The following CLEC7A variants were observed in gnomAD, a reference collection of about 807,000 sequenced individuals.
CLEC7A encodes C-type lectin domain containing 7A.
Under a neutral mutation model 26.9 loss-of-function variants are expected in CLEC7A, and 25 were observed. The observed-to-expected ratio is 0.93, with a 90% CI of 0.68 to 1.30. CLEC7A has a LOEUF of 1.30. Among genes scored for constraint, CLEC7A ranks in the 50% most tolerant of loss-of-function variants. The pLI is 0.00. For synonymous variants in CLEC7A, 100 were observed against 99.5 expected, an observed-to-expected ratio of 1.01 and a Z score of -0.03; for missense variants, 275 against 286.7, an observed-to-expected ratio of 0.96 and a Z score of 0.29.
chr12:10,128,730 T>A (rs1194143321), intron 1 of CLEC7A, among the ~76,000 whole-genome samples: 1 of 152,192 alleles, frequency 6.6e-6, no homozygotes, highest in Non-Finnish European at 1.5e-5. Context: ...AGGATACCGT[T>A]TGCCTACACA....
intron 5 of CLEC7A, among the ~76,000 whole-genome samples, chr12:10,121,922 G>A (rs1207235070): frequency 6.6e-6 from 1 of 152,088 alleles, no homozygotes; most frequent in African/African-American, 2.4e-5. Context: ...GCAGGAGAAT[G>A]GCGTGAACCC....
chr12:10,130,087 C>A lies in CLEC7A; in HGVS notation c.-5G>T. The stretch of plus-strand genomic sequence containing the variant: ...TAAATCAGGATGATATTCCATTGTT[C>A]TTGAGAGCCCCTGAATAGATATAGC... On this transcript the variant is annotated 5_prime_UTR_variant, in exon 1 of 6. The change creates a premature stop within an existing upstream ORF in the 5' untranslated region. Transcript: ENST00000304084. 7.1e-7 allele frequency: 1 copy of A among 1,412,720 alleles called. No individual in the cohort carries two copies. Among genetic ancestry groups the A allele is most frequent in the Non-Finnish European group, 1.0e-6 (1 of 998,682 alleles). 87.5% of individuals were successfully genotyped at this position (1,412,720 alleles called of 1,614,324 possible). A position where few individuals can be genotyped will look rare whatever the true frequency, so the allele number is the denominator to read the frequency against.
In CLEC7A at chr12:10,126,710, T is replaced by C; in HGVS notation, c.203-2A>G. 6.2e-7 allele frequency: 1 copy of C among 1,605,622 alleles called. No individual in the cohort carries two copies. The highest frequency in any genetic ancestry group is 8.5e-7 in the Non-Finnish European group (1 of 1,175,994). On this transcript the variant is annotated splice_acceptor_variant, in intron 2 of 5. Coordinates refer to ENST00000304084, the MANE Select transcript of CLEC7A (RefSeq NM_197947.3). LOFTEE classifies it high-confidence loss of function. Reference sequence around the variant, plus strand: ...TTCCTGAATTGGATCTCCAAATAGCTTCACATACCAACAATAATAATAGTG... The same window carrying C: ...TTCCTGAATTGGATCTCCAAATAGCCTCACATACCAACAATAATAATAGTG...
Position 10,117,489 on chromosome 12 carries a change from C to G in CLEC7A, c.*969G>C, listed in dbSNP as rs1477966398. ...AGGTTGCGGTGAGCCGAGATCGTGCCGTTGCACTCCAGCCTGGGCAACAAG... is the reference window on the plus strand; with the variant it reads ...AGGTTGCGGTGAGCCGAGATCGTGCGGTTGCACTCCAGCCTGGGCAACAAG... On this transcript the variant is annotated 3_prime_UTR_variant, in exon 6 of 6. Transcript: ENST00000304084. 1 of 145,882 alleles carries G rather than the reference C, an allele frequency of 6.9e-6. No homozygotes were observed. The highest frequency in any genetic ancestry group is 6.9e-5 in the Admixed American group (1 of 14,410). 9.0% of individuals were successfully genotyped at this position (145,882 alleles called of 1,614,324 possible). A position where few individuals can be genotyped will look rare whatever the true frequency, so the allele number is the denominator to read the frequency against.
intron 5 of CLEC7A, among the ~76,000 whole-genome samples, chr12:10,120,708 G>A (rs1024577202): frequency 1.3e-5 from 2 of 150,816 alleles, no homozygotes; most frequent in African/African-American, 2.4e-5. Flanking sequence ...GATTATAGGC[G>A]TGAGTCCCCG....
chr12:10,130,060 T>G lies in CLEC7A; in HGVS notation c.23A>C (p.Glu8Ala), dbSNP rs542401833. The change falls in exon 1 of 6, where the codon GAA (glutamate) becomes GCA (alanine). Residue 8 changes from glutamate (E) to alanine (A), a missense_variant. By Grantham distance (107) the Glu-to-Ala change is moderately radical. Transcript: ENST00000304084. Reference protein sequence around the residue: MEYHPDLENLDEDGYTQL... With the variant: MEYHPDLANLDEDGYTQL... The stretch of plus-strand genomic sequence containing the variant: ...AGTATATCCATCTTCATCCAAATTT[T>G]CTAAATCAGGATGATATTCCATTGT... The G allele has an allele frequency of 1.3e-6, 2 of 1,598,530 alleles. No individual in the cohort carries two copies. Among genetic ancestry groups the G allele is most frequent in the South Asian group, 2.2e-5 (2 of 90,610 alleles).
intron 2 of CLEC7A, 101 bp downstream of exon 2, chr12:10,127,646 A>C (rs1453013969): frequency 1.0e-6 from 1 of 964,868 alleles, no homozygotes; most frequent in African/African-American, 1.6e-5. Flanking sequence ...TTATATACAA[A>C]TTAAAGTAGA....
At chr12:10,128,247 C>CA (rs3221301) in intron 1 of CLEC7A, among the ~76,000 whole-genome samples, 6 of 136,814 alleles carry the variant, frequency 4.4e-5, no homozygotes, top group South Asian at 4.6e-4. Flanking sequence ...CACACACACA[C>CA]CACCAACAAC....
At chr12:10,126,516 G>T (rs1948288712) in intron 3 of CLEC7A, 55 bp downstream of exon 3, 18 of 1,539,366 alleles carry the variant, frequency 1.2e-5, no homozygotes, top group African/African-American at 1.4e-5. Flanking sequence ...CCAGGCTTCA[G>T]CACCAAGAAT....
At chr12:10,122,055 T>C (rs1948103547) in intron 5 of CLEC7A, among the ~76,000 whole-genome samples, 1 of 151,806 alleles carries the variant, frequency 6.6e-6, no homozygotes, top group African/African-American at 2.4e-5. Flanking sequence ...AAGGAAGTAA[T>C]ACAGATTAGA....
intron 1 of CLEC7A, among the ~76,000 whole-genome samples, chr12:10,129,625 AT>A (rs950967913): frequency 7.3e-5 from 11 of 151,526 alleles, no homozygotes; most frequent in Non-Finnish European, 1.5e-4. Context: ...TTTTATTTTT[AT>A]TTTTTTTCAG....
At chr12:10,122,145 C>T (rs186264400) in intron 5 of CLEC7A, among the ~76,000 whole-genome samples, 146 of 152,240 alleles carry the variant, frequency 9.6e-4, no homozygotes, top group African/African-American at 3.4e-3. Flanking sequence ...CCAAATTGAA[C>T]GGTACTCCTA....
chr12:10,126,451 A>G (rs1385848725), intron 3 of CLEC7A, 120 bp downstream of exon 3: 15 of 1,454,574 alleles, frequency 1.0e-5, no homozygotes, highest in Non-Finnish European at 1.3e-5. Context: ...TAATATGTGT[A>G]TTTGCCTTAA....
At chr12:10,126,849 G>A (rs1948303939) in intron 2 of CLEC7A, 141 bp from the exon 3 acceptor site, 1 of 699,872 alleles carries the variant, frequency 1.4e-6, no homozygotes, top group Admixed American at 3.3e-5. Flanking sequence ...TATTGCTGTG[G>A]AGAGATAAAG....
intron 5 of CLEC7A, among the ~76,000 whole-genome samples, chr12:10,120,384 G>A (rs1335801025): frequency 6.6e-6 from 1 of 151,844 alleles, no homozygotes; most frequent in Non-Finnish European, 1.5e-5. Context: ...AGAAAACAGT[G>A]GAATAATATA....
intron 5 of CLEC7A, among the ~76,000 whole-genome samples, chr12:10,119,356 G>C (rs1379164457): frequency 6.6e-6 from 1 of 152,160 alleles, no homozygotes; most frequent in Non-Finnish European, 1.5e-5. Context: ...TAACTACTTA[G>C]ATTCAGACCT....
At chr12:10,122,432 T>C (rs1049914331) in intron 5 of CLEC7A, among the ~76,000 whole-genome samples, 1 of 152,156 alleles carries the variant, frequency 6.6e-6, no homozygotes. Context: ...TAAATTATTT[T>C]ACTTTTATAC....
Position 10,127,638 on chromosome 12 carries a change from A to G in CLEC7A, c.202+109T>C, listed in dbSNP as rs1183792097. Reference sequence around the variant, plus strand: ...AACCCAATACAGATAAAACCAGATTATATACAAATTAAAGTAGATTATGCA... The same window carrying G: ...AACCCAATACAGATAAAACCAGATTGTATACAAATTAAAGTAGATTATGCA... On this transcript the variant is annotated intron_variant, in intron 2 of 5. Coordinates refer to ENST00000304084, the MANE Select transcript of CLEC7A (RefSeq NM_197947.3). 1.3e-5 allele frequency: 12 copies of G among 948,912 alleles called. No homozygotes were observed. The Admixed American group carries it at 2.4e-4, about 19-fold the overall frequency. The allele number at this position is 948,912 out of a possible 1,614,324, so 58.8% of individuals were successfully genotyped here. A position where few individuals can be genotyped will look rare whatever the true frequency, so the allele number is the denominator to read the frequency against.
At chr12:10,119,485 A>G (rs758872101) in intron 5 of CLEC7A, among the ~76,000 whole-genome samples, 40 of 152,368 alleles carry the variant, frequency 2.6e-4, no homozygotes, top group Non-Finnish European at 5.1e-4. Context: ...AAGTAGTAAC[A>G]TATCAAAATG....
Sources: allele counts gnomAD v4.1 joint callset (sites outside exome capture counted in the v4.1 genomes callset), GRCh38; gene constraint gnomAD v4.1.1; transcripts MANE v1.5; gene names NCBI Gene and HGNC (gene_info 2026-07-23, HGNC 2026-07-21).